IQSEC3: variants seen among roughly 807,000 people sequenced by gnomAD.
IQSEC3 encodes the protein IQ motif and Sec7 domain ArfGEF 3.
IQSEC3 carries 50 observed loss-of-function variants against 105.4 expected under a neutral mutation model. The observed-to-expected ratio is 0.47, with a 90% CI of 0.38 to 0.60. The LOEUF is 0.60. Among genes scored for constraint, IQSEC3 ranks in the 20% least tolerant of loss-of-function variants. The probability of loss-of-function intolerance (pLI) is 0.00; values close to 1 mark genes in which losing one functional copy is unlikely to be tolerated. For missense variants in IQSEC3, 1,415 were observed against 1,630.0 expected (o/e 0.87, Z 2.27); for synonymous variants, 708 against 746.0 (o/e 0.95, Z 0.83).
At chr12:158,388 T>A (rs1866772211) in intron 7 of IQSEC3, among the ~76,000 whole-genome samples, 1 of 152,182 alleles carries the variant, frequency 6.6e-6, no homozygotes, top group Non-Finnish European at 1.5e-5. Flanking sequence ...TTTTTCTATC[T>A]CTTTTTTTAA....
intron 7 of IQSEC3, among the ~76,000 whole-genome samples, chr12:158,691 T>G (rs1361286375): frequency 6.6e-6 from 1 of 152,188 alleles, no homozygotes; most frequent in Non-Finnish European, 1.5e-5. Flanking sequence ...TAATTATTAT[T>G]TCTGTTGCCC....
chr12:90,537 T>G (rs1294973289), intron 1 of IQSEC3, among the ~76,000 whole-genome samples: 1 of 152,268 alleles, frequency 6.6e-6, no homozygotes, highest in Admixed American at 6.5e-5. Flanking sequence ...TCTATTTTTT[T>G]GCATCTGGAT....
At chr12:95,479 A>C (rs1292194012) in intron 1 of IQSEC3, among the ~76,000 whole-genome samples, 3 of 152,222 alleles carry the variant, frequency 2.0e-5, no homozygotes, top group African/African-American at 7.2e-5. Context: ...ATTCAGTTTT[A>C]ATGGATTTAC....
chr12:93,957 G>C (rs1279516165), intron 1 of IQSEC3, among the ~76,000 whole-genome samples: 2 of 152,174 alleles, frequency 1.3e-5, no homozygotes, highest in Non-Finnish European at 2.9e-5. Flanking sequence ...GCAGCCTGAG[G>C]CCTCACCAGA....
At chr12:125,050 G>C (rs10849590) in intron 2 of IQSEC3, among the ~76,000 whole-genome samples, 100,174 of 152,066 alleles carry the variant, frequency 0.66, 34,561 homozygotes, top group Non-Finnish European at 0.77. Flanking sequence ...CAGGCACCCT[G>C]CCTCCTCCAG....
chr12:87,039 G>A (rs886517186), intron 1 of IQSEC3, among the ~76,000 whole-genome samples: 2 of 152,030 alleles, frequency 1.3e-5, no homozygotes, highest in African/African-American at 4.8e-5. Flanking sequence ...TAGGACCAGA[G>A]GCAAATAACC....
At chr12:87,515 C>CT (rs1202180486) in intron 1 of IQSEC3, among the ~76,000 whole-genome samples, 2 of 152,136 alleles carry the variant, frequency 1.3e-5, no homozygotes, top group East Asian at 3.9e-4. Context: ...TGCTAGGCCT[C>CT]TGGGGGAAGA....
At position 169,081 on chromosome 12, in the gene IQSEC3, C is replaced by G. The variant is rs1565452269; in HGVS notation, c.3040C>G (p.Gln1014Glu). ...GCCCTGCGGAGCCCAGGGGGACCCA[C>G]AGTCAAAGCAAGGATCGCCGACAGG... ...FKPCGAQGDPQSKQGSPTAKR... is the reference protein window; with the variant it reads ...FKPCGAQGDPESKQGSPTAKR... The change falls in exon 12 of 14, where the codon CAG becomes GAG. Residue 1014 changes from glutamine to glutamate, a missense_variant. Gln to Glu is a conservative substitution (Grantham distance 29). Transcript: ENST00000538872. 1 of 1,614,008 alleles carries G rather than the reference C, an allele frequency of 6.2e-7. No individual in the cohort carries two copies. Among genetic ancestry groups the G allele is most frequent in the Non-Finnish European group, 8.5e-7 (1 of 1,180,026 alleles).
Position 177,266 on chromosome 12 carries a change from C to CT in IQSEC3, c.*2235dup, listed in dbSNP as rs1255734475. On this transcript the variant is annotated 3_prime_UTR_variant, in exon 14 of 14. Transcript: ENST00000538872. This position sits in a 1 kb window ranked among gnomAD's most constrained non-coding sequence, Gnocchi z 5.3. ...TCCCCTGCTCACACAGCTCTTCAAG[C>CT]TTACCAAGGACAGGCAGGACCCCGT... The CT allele has an allele frequency of 2.8e-5, 3 of 107,094 alleles. No individual in the cohort carries two copies. In the East Asian group the frequency reaches 1.0e-3, roughly 36 times the overall value. The allele number at this position is 107,094 out of a possible 1,614,324, so 6.6% of individuals were successfully genotyped here.
intron 5 of IQSEC3, among the ~76,000 whole-genome samples, chr12:149,400 A>G (rs1316020048): frequency 1.3e-5 from 2 of 151,518 alleles, no homozygotes; most frequent in Admixed American, 6.6e-5. Context: ...AGTCCATCAC[A>G]GGTCTCGGTG....
chr12:101,114 C>T (rs1864408017), intron 2 of IQSEC3, among the ~76,000 whole-genome samples: 1 of 152,188 alleles, frequency 6.6e-6, no homozygotes, highest in Non-Finnish European at 1.5e-5. Flanking sequence ...CCAGGCCTGG[C>T]AGGGGCGGGC....
rs1217667855 is a variant in IQSEC3 at position 175,829 on chromosome 12, C to T, written c.*796C>T. 1 of 152,370 alleles carries T rather than the reference C, an allele frequency of 6.6e-6. No individual in the cohort carries two copies. Among genetic ancestry groups the T allele is most frequent in the Non-Finnish European group, 1.5e-5 (1 of 68,132 alleles). 9.4% of individuals were successfully genotyped at this position (152,370 alleles called of 1,614,324 possible). On this transcript the variant is annotated 3_prime_UTR_variant, in exon 14 of 14. Transcript: ENST00000538872. ...AAAGAGTGTCTTAGTTCCCCAGCCC[C>T]AGCTAATACCCGGCCAATGCCGTGT...
At chr12:101,720 T>C (rs545741219) in intron 2 of IQSEC3, among the ~76,000 whole-genome samples, 27 of 152,290 alleles carry the variant, frequency 1.8e-4, no homozygotes, top group Admixed American at 4.6e-4. Context: ...TGTCTGTCTG[T>C]CTGATGTGGC....
chr12:113,015 T>G (rs947290711), intron 2 of IQSEC3, among the ~76,000 whole-genome samples: 9 of 152,146 alleles, frequency 5.9e-5, no homozygotes, highest in Non-Finnish European at 1.3e-4. Context: ...CGCCTCTCAT[T>G]GTCCCTCTTC....
chr12:92,576 C>T (rs886302448), intron 1 of IQSEC3, among the ~76,000 whole-genome samples: 1 of 152,192 alleles, frequency 6.6e-6, no homozygotes, highest in Non-Finnish European at 1.5e-5. Flanking sequence ...CTACGGGGAC[C>T]TCTCTCCTTT....
intron 2 of IQSEC3, among the ~76,000 whole-genome samples, chr12:121,285 C>T (rs1865210766): frequency 6.6e-6 from 1 of 152,180 alleles, no homozygotes; most frequent in East Asian, 1.9e-4. Context: ...AGATGGCCTT[C>T]AAGTTAAATA....
At chr12:137,825 A>AT (rs35452141) in intron 3 of IQSEC3, among the ~76,000 whole-genome samples, 11,177 of 139,086 alleles carry the variant, frequency 0.08, 458 homozygotes, top group Non-Finnish European at 0.1. Flanking sequence ...CACCCAGTTA[A>AT]TTTTTTTTTT....
rs367829377 is a variant in IQSEC3 at position 178,196 on chromosome 12, A to C, written c.*3163A>C. On this transcript the variant is annotated 3_prime_UTR_variant, in exon 14 of 14. Transcript: ENST00000538872. Reference sequence around the variant, plus strand: ...GTGCCACCGGTCCCCACGGCCCGCCAGGAGTCTCTTTGTACCCACTAGGCT... The same window carrying C: ...GTGCCACCGGTCCCCACGGCCCGCCCGGAGTCTCTTTGTACCCACTAGGCT... The C allele has an allele frequency of 1.4e-5, 2 of 146,310 alleles. No homozygotes were observed. The highest frequency in any genetic ancestry group is 5.5e-5 in the African/African-American group (2 of 36,232). The allele number at this position is 146,310 out of a possible 1,614,324, so 9.1% of individuals were successfully genotyped here.
intron 1 of IQSEC3, among the ~76,000 whole-genome samples, chr12:76,100 AC>A (rs1555068992): frequency 1.4e-3 from 205 of 148,134 alleles, no homozygotes; most frequent in Middle Eastern, 3.4e-3. Flanking sequence ...ACACACACAC[AC>A]ACACACACAC....
Sources: gnomAD v4.1 joint callset for allele counts (sites outside exome capture counted in the v4.1 genomes callset) on GRCh38, gnomAD v4.1.1 for gene constraint, Gnocchi (gnomAD v3.1) non-coding constraint, MANE v1.5 for transcripts, NCBI Gene and HGNC (gene_info 2026-07-23, HGNC 2026-07-21) for gene names.